The following STT3B variants were observed in gnomAD, a reference collection of about 807,000 sequenced individuals.
The protein encoded by STT3B is STT3 oligosaccharyltransferase complex catalytic subunit B.
A neutral mutation model predicts 96.8 loss-of-function variants in STT3B; 29 were observed. That is an observed-to-expected ratio of 0.30 (90% CI 0.22 to 0.41). STT3B has a LOEUF of 0.41. STT3B is among the 10% of genes least tolerant of loss of function. The probability of loss-of-function intolerance (pLI) is 1.00; values close to 1 mark genes in which losing one functional copy is unlikely to be tolerated. For synonymous variants in STT3B, 367 were observed against 360.0 expected, an observed-to-expected ratio of 1.02 and a Z score of -0.22; for missense variants, 640 against 1,022.3, an observed-to-expected ratio of 0.63 and a Z score of 5.10.
intron 15 of STT3B, among the ~76,000 whole-genome samples, chr3:31,635,675 C>T (rs1699742942): frequency 1.3e-5 from 2 of 152,186 alleles, no homozygotes; most frequent in Admixed American, 1.3e-4. Flanking sequence ...GTTACATATT[C>T]TGTCTTGCCT....
chr3:31,535,349 T>C (rs1459929270), intron 1 of STT3B, among the ~76,000 whole-genome samples: 4 of 151,480 alleles, frequency 2.6e-5, no homozygotes, highest in Admixed American at 6.6e-5. Flanking sequence ...TTTTTTTTTT[T>C]AGTGTAGCTA....
chr3:31,596,956 T>C, intron 4 of STT3B, 93 bp downstream of exon 4: 1 of 964,496 alleles, frequency 1.0e-6, no homozygotes, highest in East Asian at 2.4e-5. Context: ...ATTTTTATTT[T>C]GTTTAATGTA....
intron 8 of STT3B, 99 bp from the exon 9 acceptor site, chr3:31,619,577 A>C: frequency 2.1e-6 from 2 of 939,976 alleles, no homozygotes; most frequent in Non-Finnish European, 3.2e-6. Context: ...AGGGGTAGGG[A>C]GTAGGTACCA....
chr3:31,546,793 C>G (rs746832920), intron 1 of STT3B, among the ~76,000 whole-genome samples: 7 of 152,124 alleles, frequency 4.6e-5, no homozygotes, highest in Non-Finnish European at 8.8e-5. Context: ...AAATTTGTTG[C>G]AGATATCTTA....
intron 5 of STT3B, among the ~76,000 whole-genome samples, chr3:31,602,529 A>G (rs1448864594): frequency 6.6e-6 from 1 of 152,104 alleles, no homozygotes; most frequent in African/African-American, 2.4e-5. Context: ...GTATATTGTT[A>G]AAATGGTCAG....
At chr3:31,624,166 T>C (rs1422454741) in intron 11 of STT3B, among the ~76,000 whole-genome samples, 1 of 152,140 alleles carries the variant, frequency 6.6e-6, no homozygotes, top group Non-Finnish European at 1.5e-5. Flanking sequence ...AAATGTATAA[T>C]TAAATTATTT....
intron 1 of STT3B, among the ~76,000 whole-genome samples, chr3:31,570,791 T>G (rs1197343011): frequency 3.3e-5 from 5 of 151,952 alleles, no homozygotes; most frequent in African/African-American, 1.2e-4. Flanking sequence ...AGGGATAGGG[T>G]CAGTGGGTGG....
intron 3 of STT3B, among the ~76,000 whole-genome samples, chr3:31,591,689 T>C (rs1698666835): frequency 6.6e-6 from 1 of 152,178 alleles, no homozygotes; most frequent in Non-Finnish European, 1.5e-5. Flanking sequence ...GTATGTATTA[T>C]ATCTATGTAT....
At chr3:31,536,994 G>C (rs1697116907) in intron 1 of STT3B, among the ~76,000 whole-genome samples, 1 of 152,188 alleles carries the variant, frequency 6.6e-6, no homozygotes, top group Admixed American at 6.5e-5. Context: ...AGTTCCCTAT[G>C]TGAGAGCTCT....
intron 1 of STT3B, among the ~76,000 whole-genome samples, chr3:31,567,278 T>C (rs1364453959): frequency 6.6e-6 from 1 of 152,194 alleles, no homozygotes; most frequent in African/African-American, 2.4e-5. Context: ...CTCTTTACCC[T>C]CCTTTACTAC....
At chr3:31,559,170 TG>T (rs1222287145) in intron 1 of STT3B, among the ~76,000 whole-genome samples, 1 of 149,288 alleles carries the variant, frequency 6.7e-6, no homozygotes, top group African/African-American at 2.4e-5. Flanking sequence ...TGTGTGTGTG[TG>T]TGTGTGTGTG....
chr3:31,566,320 T>A lies in STT3B; in HGVS notation c.315-10076T>A, dbSNP rs527254514. Among the ~76,000 whole-genome samples the A allele has an allele frequency of 2.6e-5, 4 of 152,300 alleles. No individual in the cohort carries two copies. In the South Asian group the frequency reaches 8.3e-4, roughly 32 times the overall value. ...CAGAGTCAAAGCTACCTTGATCAAATCCCATCTTGACCACTTCATGGCTGT... is the reference window on the plus strand; with the variant it reads ...CAGAGTCAAAGCTACCTTGATCAAAACCCATCTTGACCACTTCATGGCTGT... On this transcript the variant is annotated intron_variant, in intron 1 of 15. Transcript: ENST00000295770.
chr3:31,614,454 A>T (rs533631150), intron 5 of STT3B, among the ~76,000 whole-genome samples: 5 of 152,082 alleles, frequency 3.3e-5, no homozygotes, highest in African/African-American at 1.2e-4. Context: ...CTTAATTTAG[A>T]TTGATGAGAA....
intron 1 of STT3B, among the ~76,000 whole-genome samples, chr3:31,573,180 CTAGAGTTATG>C: frequency 6.6e-6 from 1 of 152,134 alleles, no homozygotes; most frequent in African/African-American, 2.4e-5. Flanking sequence ...TGAGATGAGA[CTAGAGTTATG>C]TATGAGGTAG....
intron 3 of STT3B, among the ~76,000 whole-genome samples, chr3:31,594,315 G>A (rs1389814640): frequency 6.6e-6 from 1 of 152,102 alleles, no homozygotes; most frequent in Non-Finnish European, 1.5e-5. Flanking sequence ...GATCCCACAG[G>A]TTGAGGGCCT....
chr3:31,545,925 C>CT (rs1697401721), intron 1 of STT3B, among the ~76,000 whole-genome samples: 1 of 151,796 alleles, frequency 6.6e-6, no homozygotes, highest in Non-Finnish European at 1.5e-5. Flanking sequence ...TTGGACACCC[C>CT]TGCTGTGAAA....
chr3:31,584,883 A>G (rs545321364), intron 3 of STT3B, among the ~76,000 whole-genome samples: 16 of 152,256 alleles, frequency 1.1e-4, no homozygotes, highest in African/African-American at 3.4e-4. Context: ...ATTATAATAG[A>G]TGATGACATT....
rs146564126 is a variant in STT3B, at chr3:31,636,405, G to C, written c.*341G>C. 1.9e-4 allele frequency: 35 copies of C among 180,338 alleles called. No homozygotes were observed. Among genetic ancestry groups the C allele is most frequent in the Non-Finnish European group, 1.1e-5 (1 of 87,206 alleles). The allele number at this position is 180,338 out of a possible 1,614,324, so 11.2% of individuals were successfully genotyped here. A position where few individuals can be genotyped will look rare whatever the true frequency, so the allele number is the denominator to read the frequency against. On this transcript the variant is annotated 3_prime_UTR_variant, in exon 16 of 16. Transcript: ENST00000295770. ...CCCTGGCACATGCATACTTGTCAAT[G>C]TTTTTATTCTTTTACAAGACCTGCA...
intron 1 of STT3B, among the ~76,000 whole-genome samples, chr3:31,536,324 G>C (rs1697097549): frequency 6.6e-6 from 1 of 152,112 alleles, no homozygotes; most frequent in Non-Finnish European, 1.5e-5. Context: ...GAGTTGCTCA[G>C]ATCACCATCA....
Sources: allele counts gnomAD v4.1 joint callset (sites outside exome capture counted in the v4.1 genomes callset), GRCh38; gene constraint gnomAD v4.1.1; transcripts MANE v1.5; gene names NCBI Gene and HGNC (gene_info 2026-07-23, HGNC 2026-07-21).